Variants in CACNA1D observed in about 807,000 individuals in gnomAD.
CACNA1D encodes the protein calcium voltage-gated channel subunit alpha1 D.
A neutral mutation model predicts 257.1 loss-of-function variants in CACNA1D; 55 were observed. That is an observed-to-expected ratio of 0.21 (90% CI 0.17 to 0.27). The LOEUF is 0.27. Ranked by LOEUF, CACNA1D falls within the 10% of genes least tolerant of loss-of-function variation. CACNA1D has a pLI of 1.00. For synonymous variants in CACNA1D, 980 were observed against 1,014.9 expected (o/e 0.97, Z 0.65); for missense variants, 1,876 against 2,784.0 (o/e 0.67, Z 7.34).
chr3:53,710,296 G>T, intron 9 of CACNA1D: 1 of 428,316 alleles, frequency 2.3e-6, no homozygotes, highest in South Asian at 1.6e-5. Flanking sequence ...ATTGCGTGAG[G>T]CAACCTGGCT....
chr3:53,629,111 C>T (rs979951893), intron 3 of CACNA1D, among the ~76,000 whole-genome samples: 1 of 152,200 alleles, frequency 6.6e-6, no homozygotes, highest in Non-Finnish European at 1.5e-5. Flanking sequence ...CAAAAGCAGC[C>T]TTAGACAAGA....
intron 3 of CACNA1D, among the ~76,000 whole-genome samples, chr3:53,585,931 C>T (rs371002529): frequency 6.6e-6 from 1 of 152,158 alleles, no homozygotes. Context: ...TGGCATACCA[C>T]GGGGATTTGT....
intron 3 of CACNA1D, among the ~76,000 whole-genome samples, chr3:53,517,147 T>G (rs1044022528): frequency 1.6e-4 from 24 of 152,166 alleles, no homozygotes; most frequent in African/African-American, 5.8e-4. Flanking sequence ...CTTATGGCTG[T>G]CTGTTGAGAG....
intron 3 of CACNA1D, among the ~76,000 whole-genome samples, chr3:53,606,029 C>G (rs534379016): frequency 6.6e-6 from 1 of 152,284 alleles, no homozygotes; most frequent in African/African-American, 2.4e-5. Flanking sequence ...CTTAAATGGG[C>G]CCAGGAGGCA....
chr3:53,589,861 C>G (rs1293424025), intron 3 of CACNA1D, among the ~76,000 whole-genome samples: 1 of 152,180 alleles, frequency 6.6e-6, no homozygotes, highest in Non-Finnish European at 1.5e-5. Flanking sequence ...CATCCACTTC[C>G]ACTTGCATAC....
chr3:53,739,870 T>C (rs988087088), intron 20 of CACNA1D, among the ~76,000 whole-genome samples: 14 of 152,254 alleles, frequency 9.2e-5, no homozygotes, highest in Non-Finnish European at 1.8e-4. Flanking sequence ...GATGCTCAGA[T>C]GGAGGGCAAC....
At chr3:53,537,086 T>C (rs1186679231) in intron 3 of CACNA1D, among the ~76,000 whole-genome samples, 2 of 152,242 alleles carry the variant, frequency 1.3e-5, no homozygotes, top group East Asian at 3.8e-4. Context: ...GCTAATTTTA[T>C]TTCAAACAGT....
rs563393020 is a variant in CACNA1D, at chr3:53,633,619, G to T, written c.484-17160G>T. Among the ~76,000 whole-genome samples the T allele has an allele frequency of 2.6e-5, 4 of 152,288 alleles. No individual in the cohort carries two copies. In the South Asian group the frequency reaches 8.3e-4, roughly 32 times the overall value. On this transcript the variant is annotated intron_variant, in intron 3 of 47. Coordinates refer to ENST00000350061, the MANE Select transcript of CACNA1D (RefSeq NM_001128840.3). ...CGGGAAGTCATCCAGCTCAATTTCA[G>T]CTTGCCTCCTCCTGATTTCCTGGAT... is the stretch of plus-strand genomic sequence containing the variant.
At chr3:53,713,663 C>T (rs1319795478) in intron 9 of CACNA1D, among the ~76,000 whole-genome samples, 1 of 152,134 alleles carries the variant, frequency 6.6e-6, no homozygotes, top group East Asian at 1.9e-4. Flanking sequence ...TTGTGCTTAC[C>T]TGAGAAGCAG....
At chr3:53,787,435 G>GTGTGTGTGTGTT (rs2095460511) in intron 40 of CACNA1D, among the ~76,000 whole-genome samples, 1 of 151,322 alleles carries the variant, frequency 6.6e-6, no homozygotes, top group African/African-American at 2.4e-5. Context: ...CTGTGTGTGT[G>GTGTGTGTGTGTT]TGTGTGTGTG....
chr3:53,531,723 C>T (rs1304112597), intron 3 of CACNA1D, among the ~76,000 whole-genome samples: 1 of 152,214 alleles, frequency 6.6e-6, no homozygotes, highest in Admixed American at 6.5e-5. Context: ...GTTTCTGTAT[C>T]TCAACTTTCT....
chr3:53,506,336 C>T (rs1404249818), intron 3 of CACNA1D, among the ~76,000 whole-genome samples: 1 of 152,182 alleles, frequency 6.6e-6, no homozygotes, highest in South Asian at 2.1e-4. Flanking sequence ...CAGACACCAG[C>T]CCCTTTCCCC....
At chr3:53,642,543 G>T (rs950657364) in intron 3 of CACNA1D, among the ~76,000 whole-genome samples, 9 of 152,226 alleles carry the variant, frequency 5.9e-5, no homozygotes, top group African/African-American at 2.2e-4. Context: ...GCCCCATCCA[G>T]GCTAACTGTT....
intron 3 of CACNA1D, among the ~76,000 whole-genome samples, chr3:53,539,699 G>A (rs140357795): frequency 7.0e-4 from 106 of 152,320 alleles, no homozygotes; most frequent in African/African-American, 2.4e-3. Flanking sequence ...CAGCTGATAT[G>A]CTCACCAACA....
At chr3:53,703,137 C>A (rs1354426587) in intron 9 of CACNA1D, among the ~76,000 whole-genome samples, 1 of 152,198 alleles carries the variant, frequency 6.6e-6, no homozygotes, top group Non-Finnish European at 1.5e-5. Context: ...TATTCTTGTA[C>A]CACAGGAGAA....
At chr3:53,733,078 G>A in intron 19 of CACNA1D, 116 bp downstream of exon 19, 1 of 1,001,232 alleles carries the variant, frequency 1.0e-6, no homozygotes, top group Non-Finnish European at 1.5e-6. Context: ...TTCTGAACCT[G>A]AGTGTCCCTG....
chr3:53,540,869 G>A (rs2092279490), intron 3 of CACNA1D, among the ~76,000 whole-genome samples: 1 of 152,052 alleles, frequency 6.6e-6, no homozygotes, highest in South Asian at 2.1e-4. Context: ...AGCCTCCCAA[G>A]TATTTGGGAT....
rs2095605997 is a variant in CACNA1D, at chr3:53,812,713, AT to A, written c.*1308del. On this transcript the variant is annotated 3_prime_UTR_variant, in exon 48 of 48. Transcript: ENST00000350061. ...TTTTGCATCGCTGGTGCAGAAATGC[AT>A]AGGTGGATGAGATATAGCTGCTCTT... 1 of 152,214 alleles carries A rather than the reference AT, an allele frequency of 6.6e-6. No homozygotes were observed. Among genetic ancestry groups the A allele is most frequent in the African/African-American group, 2.4e-5 (1 of 41,406 alleles). 9.4% of individuals were successfully genotyped at this position (152,214 alleles called of 1,614,324 possible). A position where few individuals can be genotyped will look rare whatever the true frequency, so the allele number is the denominator to read the frequency against.
intron 3 of CACNA1D, among the ~76,000 whole-genome samples, chr3:53,623,723 C>T (rs180703021): frequency 1.3e-4 from 19 of 151,090 alleles, no homozygotes; most frequent in African/African-American, 2.5e-4. Flanking sequence ...ATACTTCCAG[C>T]GTCTCTGACT....
Sources: allele counts gnomAD v4.1 joint callset (sites outside exome capture counted in the v4.1 genomes callset), GRCh38; gene constraint gnomAD v4.1.1; transcripts MANE v1.5; gene names NCBI Gene and HGNC (gene_info 2026-07-23, HGNC 2026-07-21).